The following LRMDA variants were observed in gnomAD, a reference collection of about 807,000 sequenced individuals.
The protein encoded by LRMDA is leucine-rich melanocyte differentiation-associated protein.
A neutral mutation model predicts 29.8 loss-of-function variants in LRMDA; 18 were observed. That is an observed-to-expected ratio of 0.60 (90% CI 0.42 to 0.90). The LOEUF (loss-of-function observed/expected upper bound fraction) is 0.90. Ranked by LOEUF, LRMDA falls within the 40% of genes least tolerant of loss-of-function variation. The pLI is 0.00. For missense variants in LRMDA, 273 were observed against 273.9 expected, an observed-to-expected ratio of 1.00 and a Z score of 0.02; for synonymous variants, 125 against 109.4, an observed-to-expected ratio of 1.14 and a Z score of -0.89.
At chr10:75,831,112 C>G (rs1844335134) in intron 2 of LRMDA, among the ~76,000 whole-genome samples, 1 of 151,592 alleles carries the variant, frequency 6.6e-6, no homozygotes, top group South Asian at 2.1e-4. Flanking sequence ...GTGGCGTGAT[C>G]TCGGCTCACT....
chr10:75,683,416 A>G (rs1382194543), intron 2 of LRMDA, among the ~76,000 whole-genome samples: 1 of 152,194 alleles, frequency 6.6e-6, no homozygotes, highest in Non-Finnish European at 1.5e-5. Context: ...TGGTTTTTAT[A>G]GAAACTTGCT....
At chr10:76,450,892 A>G (rs1162905999) in intron 6 of LRMDA, among the ~76,000 whole-genome samples, 2 of 152,158 alleles carry the variant, frequency 1.3e-5, no homozygotes, top group East Asian at 1.9e-4. Context: ...TGAGTTCTAA[A>G]TCTTGCTTTT....
At chr10:75,950,166 C>T (rs562001896) in intron 2 of LRMDA, among the ~76,000 whole-genome samples, 3 of 152,326 alleles carry the variant, frequency 2.0e-5, no homozygotes, top group South Asian at 2.1e-4. Flanking sequence ...TTCCTCATTG[C>T]TCACATCTGT....
intron 5 of LRMDA, among the ~76,000 whole-genome samples, chr10:76,179,082 T>C (rs1850993592): frequency 6.6e-6 from 1 of 152,194 alleles, no homozygotes; most frequent in Non-Finnish European, 1.5e-5. Flanking sequence ...TTTGAGGACT[T>C]CATTGAAACC....
At chr10:76,347,611 A>G (rs1841124786) in intron 6 of LRMDA, among the ~76,000 whole-genome samples, 1 of 152,206 alleles carries the variant, frequency 6.6e-6, no homozygotes, top group Non-Finnish European at 1.5e-5. Context: ...TGGGGAAAAT[A>G]GACCCCTAAA....
chr10:75,457,956 A>G (rs1169833583), intron 2 of LRMDA, among the ~76,000 whole-genome samples: 1 of 152,214 alleles, frequency 6.6e-6, no homozygotes, highest in East Asian at 1.9e-4. Flanking sequence ...TTGGAGACCA[A>G]GAAGCTGGGG....
chr10:75,483,696 T>G (rs1333053728), intron 2 of LRMDA, among the ~76,000 whole-genome samples: 1 of 152,228 alleles, frequency 6.6e-6, no homozygotes. Flanking sequence ...TTTAAATTAC[T>G]AATTTTATAA....
chr10:76,410,886 C>T lies in LRMDA; in HGVS notation c.601+86401C>T, dbSNP rs1183446177. ...GCTTGAACCCTGGAGGCAGAGGCTG[C>T]AGTGAGCCGAGATCGCACCATTGCA... On this transcript the variant is annotated intron_variant, in intron 6 of 6. Transcript: ENST00000611255. Among the ~76,000 whole-genome samples, 3 of 152,094 alleles carry T rather than the reference C, an allele frequency of 2.0e-5. No homozygotes were observed. In the East Asian group the frequency reaches 5.8e-4, roughly 30 times the overall value.
chr10:75,894,099 G>A (rs752515448), intron 2 of LRMDA, among the ~76,000 whole-genome samples: 1 of 152,052 alleles, frequency 6.6e-6, no homozygotes, highest in Non-Finnish European at 1.5e-5. Context: ...TTCTTTAGTG[G>A]TGATTTGTGA....
At chr10:75,521,434 C>G (rs1351723863) in intron 2 of LRMDA, among the ~76,000 whole-genome samples, 2 of 152,262 alleles carry the variant, frequency 1.3e-5, no homozygotes, top group Non-Finnish European at 2.9e-5. Context: ...CCTCCCCCTG[C>G]CTGACTGCAG....
intron 5 of LRMDA, among the ~76,000 whole-genome samples, chr10:76,093,645 CT>C (rs1232935478): frequency 3.3e-5 from 5 of 152,046 alleles, no homozygotes; most frequent in South Asian, 2.1e-4. Flanking sequence ...GTCCCGATTC[CT>C]TTACTGCTCA....
intron 6 of LRMDA, among the ~76,000 whole-genome samples, chr10:76,394,394 G>C (rs780359774): frequency 6.6e-6 from 1 of 152,070 alleles, no homozygotes; most frequent in African/African-American, 2.4e-5. Flanking sequence ...GCTTTTCACT[G>C]GCAATCATAT....
At position 76,444,178 on chromosome 10, in the gene LRMDA, C is replaced by T. The variant is rs550512641; in HGVS notation, c.602-113031C>T. On this transcript the variant is annotated intron_variant, in intron 6 of 6. Coordinates refer to ENST00000611255, the MANE Select transcript of LRMDA (RefSeq NM_001305581.2). Reference sequence around the variant, plus strand: ...TTATAGAAAAGGGAGTTGAGGGGTGCGGTTTTCCTCTGGCATAGATCACTT... The same window carrying T: ...TTATAGAAAAGGGAGTTGAGGGGTGTGGTTTTCCTCTGGCATAGATCACTT... Among the ~76,000 whole-genome samples, 14 of 152,238 alleles carry T rather than the reference C, an allele frequency of 9.2e-5. No homozygotes were observed. In the East Asian group the frequency reaches 1.2e-3, roughly 13 times the overall value.
At chr10:75,482,596 C>T (rs766524526) in intron 2 of LRMDA, among the ~76,000 whole-genome samples, 4 of 152,146 alleles carry the variant, frequency 2.6e-5, no homozygotes, top group African/African-American at 9.7e-5. Context: ...GCTTCCTGCA[C>T]AGGGTCTGAC....
intron 2 of LRMDA, among the ~76,000 whole-genome samples, chr10:75,760,207 C>A (rs1843078803): frequency 1.3e-5 from 2 of 152,026 alleles, no homozygotes; most frequent in Non-Finnish European, 2.9e-5. Context: ...ATTTGTGGGC[C>A]CCAGGAGGAC....
intron 2 of LRMDA, among the ~76,000 whole-genome samples, chr10:75,942,380 G>T (rs1419549005): frequency 6.6e-6 from 1 of 152,124 alleles, no homozygotes; most frequent in Admixed American, 6.5e-5. Flanking sequence ...CAATAAAGAG[G>T]AAATTATTAT....
intron 2 of LRMDA, among the ~76,000 whole-genome samples, chr10:75,759,389 G>T (rs1003215892): frequency 6.6e-6 from 1 of 152,136 alleles, no homozygotes; most frequent in Admixed American, 6.5e-5. Context: ...ATACTCTATA[G>T]ACCCATTTCT....
intron 2 of LRMDA, among the ~76,000 whole-genome samples, chr10:75,644,690 G>A (rs1393966565): frequency 1.3e-5 from 2 of 152,074 alleles, no homozygotes; most frequent in Non-Finnish European, 2.9e-5. Context: ...GCTCATCCCC[G>A]AAAAGCCTGC....
At chr10:75,751,232 G>A (rs2132219561) in intron 2 of LRMDA, among the ~76,000 whole-genome samples, 1 of 152,222 alleles carries the variant, frequency 6.6e-6, no homozygotes, top group Non-Finnish European at 1.5e-5. Flanking sequence ...GGAGAATCAG[G>A]CAGGGAGGTT....
Sources: allele counts gnomAD v4.1 joint callset (sites outside exome capture counted in the v4.1 genomes callset), GRCh38; gene constraint gnomAD v4.1.1; transcripts MANE v1.5; gene names NCBI Gene and HGNC (gene_info 2026-07-23, HGNC 2026-07-21).